ANO3: variants seen among roughly 807,000 people sequenced by gnomAD.
The protein encoded by ANO3 is anoctamin-3.
Under a neutral mutation model 144.8 loss-of-function variants are expected in ANO3, and 99 were observed. That is an observed-to-expected ratio of 0.68 (90% CI 0.58 to 0.81). The LOEUF is 0.81. ANO3 is among the 30% of genes least tolerant of loss of function. The pLI is 0.00. For missense variants in ANO3, 905 were observed against 1,202.2 expected, an observed-to-expected ratio of 0.75 and a Z score of 3.66; for synonymous variants, 414 against 392.6, an observed-to-expected ratio of 1.05 and a Z score of -0.64.
At chr11:26,210,180 G>A (rs12271089) in intron 1 of ANO3, among the ~76,000 whole-genome samples, 1,679 of 152,148 alleles carry the variant, frequency 0.011, 29 homozygotes, top group African/African-American at 0.038. Context: ...TAAGGAAGGG[G>A]TCCAATTTCA....
chr11:26,561,001 T>C (rs1410257883), intron 14 of ANO3: 5 of 1,485,612 alleles, frequency 3.4e-6, no homozygotes, highest in Non-Finnish European at 4.6e-6. Context: ...TTTTGAAAGA[T>C]GAATTTGTCA....
rs1161631402 is a variant in ANO3 at position 26,194,439 on chromosome 11, G to GGTGTGTGTGT, written c.154+5148_154+5157dup. Among the ~76,000 whole-genome samples the GGTGTGTGTGT allele has an allele frequency of 1.7e-3, 102 of 60,596 alleles. 2 individuals carry two copies. Among genetic ancestry groups the GGTGTGTGTGT allele is most frequent in the South Asian group, 4.1e-3 (7 of 1,698 alleles). 39.8% of individuals were successfully genotyped at this position (60,596 alleles called of 152,430 possible). ...TTTTTCATCTTTGTGGGTACATAGT[G>GGTGTGTGTGT]GTGTGTGTGTGTGTGTGTGTGTGTG... On this transcript the variant is annotated intron_variant, in intron 1 of 27. Transcript: ENST00000672621.
At chr11:26,520,302 T>C (rs944369729) in intron 6 of ANO3, among the ~76,000 whole-genome samples, 6 of 152,152 alleles carry the variant, frequency 3.9e-5, no homozygotes, top group Non-Finnish European at 7.3e-5. Context: ...AAAAAAACTA[T>C]ATTCATTTTT....
chr11:26,559,443 T>C, intron 13 of ANO3: 1 of 295,630 alleles, frequency 3.4e-6, no homozygotes, highest in Non-Finnish European at 6.3e-6. Flanking sequence ...TTCCATAGAA[T>C]GGTAGAATTA....
chr11:26,226,759 T>C (rs1245835930), intron 1 of ANO3, among the ~76,000 whole-genome samples: 1 of 152,196 alleles, frequency 6.6e-6, no homozygotes, highest in Non-Finnish European at 1.5e-5. Flanking sequence ...TTCTAACTTT[T>C]TGTTTTTAAA....
intron 1 of ANO3, among the ~76,000 whole-genome samples, chr11:26,352,943 G>A (rs1045154031): frequency 3.3e-5 from 5 of 152,088 alleles, no homozygotes; most frequent in African/African-American, 7.2e-5. Flanking sequence ...ATATGAACTC[G>A]ACCCCCTCTT....
At chr11:26,266,958 G>C (rs573112071) in intron 1 of ANO3, among the ~76,000 whole-genome samples, 15 of 151,490 alleles carry the variant, frequency 9.9e-5, no homozygotes, top group African/African-American at 3.6e-4. Context: ...CAGGCGTGGT[G>C]GTGGGCACCT....
chr11:26,303,715 ATTG>A (rs1446908277), intron 1 of ANO3, among the ~76,000 whole-genome samples: 2 of 152,072 alleles, frequency 1.3e-5, no homozygotes, highest in Admixed American at 1.3e-4. Flanking sequence ...TGAAATTATT[ATTG>A]TTATTATTTT....
chr11:26,580,675 A>G (rs1851105196), intron 14 of ANO3, among the ~76,000 whole-genome samples: 2 of 152,236 alleles, frequency 1.3e-5, no homozygotes, highest in Admixed American at 1.3e-4. Flanking sequence ...AGACATATTT[A>G]ACTACACTAT....
At chr11:26,474,289 A>G (rs992387256) in intron 4 of ANO3, among the ~76,000 whole-genome samples, 5 of 151,986 alleles carry the variant, frequency 3.3e-5, no homozygotes, top group African/African-American at 1.2e-4. Context: ...AAAGTAAAGT[A>G]TGATCTAAAT....
At chr11:26,535,155 C>A (rs1291722483) in intron 9 of ANO3, among the ~76,000 whole-genome samples, 1 of 152,052 alleles carries the variant, frequency 6.6e-6, no homozygotes, top group East Asian at 1.9e-4. Flanking sequence ...ATTTCTTAAA[C>A]CCACATACAT....
At chr11:26,285,566 C>T (rs1275495577) in intron 1 of ANO3, 1 of 152,116 alleles carries the variant, frequency 6.6e-6, no homozygotes, top group Non-Finnish European at 1.5e-5. Context: ...GTTTTAGGAG[C>T]ACGTGGAGTC....
intron 4 of ANO3, among the ~76,000 whole-genome samples, chr11:26,475,299 C>T (rs999313789): frequency 8.6e-5 from 13 of 151,740 alleles, no homozygotes; most frequent in African/African-American, 2.7e-4. Flanking sequence ...ACACTTTATC[C>T]GGTTAACTAA....
chr11:26,510,363 G>T (rs1327700641), intron 5 of ANO3, among the ~76,000 whole-genome samples: 1 of 151,752 alleles, frequency 6.6e-6, no homozygotes, highest in Non-Finnish European at 1.5e-5. Context: ...GTTTAACCCA[G>T]AATATTCCGC....
intron 22 of ANO3, among the ~76,000 whole-genome samples, chr11:26,642,342 C>CTTTTTTTTTTTTTTTTT (rs576729432): frequency 5.4e-5 from 5 of 93,060 alleles, no homozygotes; most frequent in Admixed American, 1.2e-4. Flanking sequence ...TTCTTTCTTT[C>CTTTTTTTTTTTTTTTTT]TTTTTTTTTT....
At chr11:26,357,489 ACAT>A (rs1268035783) in intron 1 of ANO3, among the ~76,000 whole-genome samples, 1 of 151,864 alleles carries the variant, frequency 6.6e-6, no homozygotes, top group East Asian at 1.9e-4. Context: ...TGACATCCAT[ACAT>A]CATCCTTCAT....
intron 17 of ANO3, among the ~76,000 whole-genome samples, chr11:26,603,372 C>T (rs915103556): frequency 6.6e-6 from 1 of 151,906 alleles, no homozygotes. Flanking sequence ...CTATTCAACT[C>T]TAGTAAAGGA....
At chr11:26,511,250 A>G (rs1295126944) in intron 5 of ANO3, among the ~76,000 whole-genome samples, 1 of 152,148 alleles carries the variant, frequency 6.6e-6, no homozygotes, top group Non-Finnish European at 1.5e-5. Flanking sequence ...AAAAGGTTAA[A>G]GCTACCCCAG....
At position 26,491,351 on chromosome 11, in the gene ANO3, A is replaced by G. The variant is rs906009616; in HGVS notation, c.433-16753A>G. Among the ~76,000 whole-genome samples the G allele has an allele frequency of 3.9e-5, 6 of 152,356 alleles. 1 individual carries two copies. Among genetic ancestry groups the G allele is most frequent in the Non-Finnish European group, 1.5e-5 (1 of 68,034 alleles). ...TACTAGGCACTAGACCAAGGACCACATAAACAGTTGTAACAGTTATAAGCA... is the reference window on the plus strand; with the variant it reads ...TACTAGGCACTAGACCAAGGACCACGTAAACAGTTGTAACAGTTATAAGCA... On this transcript the variant is annotated intron_variant, in intron 4 of 26. Transcript: ENST00000256737.
Sources: allele counts gnomAD v4.1 joint callset (sites outside exome capture counted in the v4.1 genomes callset), GRCh38; gene constraint gnomAD v4.1.1; transcripts MANE v1.5; gene names NCBI Gene and HGNC (gene_info 2026-07-23, HGNC 2026-07-21).